The following SHISAL1 variants were observed in gnomAD, a reference collection of about 807,000 sequenced individuals.
SHISAL1 encodes the protein protein shisa-like-1.
Under a neutral mutation model 22.6 loss-of-function variants are expected in SHISAL1, and 9 were observed. That is an observed-to-expected ratio of 0.40 (90% CI 0.24 to 0.70). The LOEUF is 0.70. Among genes scored for constraint, SHISAL1 ranks in the 30% least tolerant of loss-of-function variants. SHISAL1 has a pLI of 0.39. For synonymous variants in SHISAL1, 119 were observed against 115.4 expected (o/e 1.03, Z -0.20); for missense variants, 246 against 270.6 (o/e 0.91, Z 0.64).
intron 2 of SHISAL1, among the ~76,000 whole-genome samples, chr22:44,298,824 C>G (rs114213205): frequency 0.011 from 1,676 of 152,296 alleles, 38 homozygotes; most frequent in African/African-American, 0.039. Context: ...CTGCCCATTA[C>G]CAGCACCCAG....
chr22:44,270,795 GGCT>G (rs1874732887), intron 4 of SHISAL1, among the ~76,000 whole-genome samples: 1 of 152,172 alleles, frequency 6.6e-6, no homozygotes, highest in South Asian at 2.1e-4. Context: ...CACCACTGAC[GGCT>G]GCTTCCACCT....
At chr22:44,295,898 C>G (rs1470507582) in intron 3 of SHISAL1, among the ~76,000 whole-genome samples, 1 of 152,216 alleles carries the variant, frequency 6.6e-6, no homozygotes, top group Non-Finnish European at 1.5e-5. Flanking sequence ...TCTCTTTCTC[C>G]ACACCTGTGG....
chr22:44,300,318 T>C (rs2055419368), intron 2 of SHISAL1, among the ~76,000 whole-genome samples: 1 of 152,126 alleles, frequency 6.6e-6, no homozygotes, highest in African/African-American at 2.4e-5. Context: ...AGGCCCTGGC[T>C]GGGGAGCAGG....
upstream of SHISAL1, among the ~76,000 whole-genome samples, chr22:44,316,870 A>C (rs2055561239): frequency 6.6e-6 from 1 of 152,146 alleles, no homozygotes; most frequent in African/African-American, 2.4e-5. Context: ...GGCGGGCAGG[A>C]GGGGGAGCTG....
intron 2 of SHISAL1, among the ~76,000 whole-genome samples, chr22:44,297,387 G>T (rs2055394515): frequency 6.6e-6 from 1 of 152,252 alleles, no homozygotes; most frequent in Non-Finnish European, 1.5e-5. Flanking sequence ...CTAGCTCTTT[G>T]TTCCCAGGTG....
chr22:44,266,044 C>A (rs1243816004), intron 4 of SHISAL1, among the ~76,000 whole-genome samples: 1 of 152,066 alleles, frequency 6.6e-6, no homozygotes, highest in African/African-American at 2.4e-5. Flanking sequence ...TGCTGGGAGG[C>A]AAGTGAGGGC....
At chr22:44,303,066 C>T (rs1014682196) in intron 1 of SHISAL1, among the ~76,000 whole-genome samples, 1 of 152,054 alleles carries the variant, frequency 6.6e-6, no homozygotes, top group African/African-American at 2.4e-5. Context: ...GAGGCTAGGA[C>T]AGGCCATCTA....
At chr22:44,257,846 T>TA (rs1206516815) in intron 4 of SHISAL1, among the ~76,000 whole-genome samples, 1 of 152,184 alleles carries the variant, frequency 6.6e-6, no homozygotes, top group Non-Finnish European at 1.5e-5. Context: ...TGCTTCTTTT[T>TA]AAAAAACTTT....
chr22:44,268,469 G>A (rs546216338), intron 4 of SHISAL1, among the ~76,000 whole-genome samples: 12 of 152,306 alleles, frequency 7.9e-5, no homozygotes, highest in African/African-American at 2.9e-4. Context: ...TTTACACAAG[G>A]GGAAAGTGAG....
At chr22:44,292,769 T>C (rs12160767) in intron 3 of SHISAL1, among the ~76,000 whole-genome samples, 9,296 of 152,300 alleles carry the variant, frequency 0.061, 720 homozygotes, top group East Asian at 0.19. Flanking sequence ...TCCCTGGGCT[T>C]GGGTCCTCTC....
chr22:44,293,985 T>A (rs542140727), intron 3 of SHISAL1, among the ~76,000 whole-genome samples: 1 of 152,330 alleles, frequency 6.6e-6, no homozygotes, highest in South Asian at 2.1e-4. Flanking sequence ...TAGAAACTTG[T>A]GGGCTTCAAA....
intron 4 of SHISAL1, among the ~76,000 whole-genome samples, chr22:44,283,548 A>T (rs1204853586): frequency 6.6e-6 from 1 of 152,228 alleles, no homozygotes; most frequent in Non-Finnish European, 1.5e-5. Context: ...CAGCAAGCAC[A>T]GTGACGTAGG....
At chr22:44,254,830 C>T (rs550361655) in intron 4 of SHISAL1, among the ~76,000 whole-genome samples, 2 of 152,052 alleles carry the variant, frequency 1.3e-5, no homozygotes, top group East Asian at 1.9e-4. Flanking sequence ...TGATTCTCTG[C>T]ACTTTTGCTC....
chr22:44,320,433 G>A, the SHISAL1 span, among the ~76,000 whole-genome samples: 26 of 152,210 alleles, frequency 1.7e-4, no homozygotes, highest in Admixed American at 2.6e-4. Context: ...GAGGAGGTGC[G>A]AGGCCCTGGC....
chr22:44,266,967 G>GCA (rs1569211568), intron 4 of SHISAL1, among the ~76,000 whole-genome samples: 2 of 152,152 alleles, frequency 1.3e-5, no homozygotes, highest in African/African-American at 2.4e-5. Flanking sequence ...TAAAAGGCAG[G>GCA]CAGTGGGGTG....
intron 1 of SHISAL1, among the ~76,000 whole-genome samples, chr22:44,301,751 A>G (rs976476759): frequency 1.3e-5 from 2 of 152,214 alleles, no homozygotes; most frequent in Non-Finnish European, 2.9e-5. Flanking sequence ...GATACATGCT[A>G]CAGCAGGGGG....
chr22:44,304,801 G>T (rs2055458825), intron 1 of SHISAL1, among the ~76,000 whole-genome samples: 1 of 152,178 alleles, frequency 6.6e-6, no homozygotes, highest in Non-Finnish European at 1.5e-5. Context: ...TACAGATGGG[G>T]AAGCTGAGGC....
In SHISAL1 at chr22:44,295,038, T is replaced by C. The variant is rs997136163; in HGVS notation, c.281+1634A>G. 4.6e-5 allele frequency among the ~76,000 whole-genome samples: 7 copies of C among 152,090 alleles called. No individual in the cohort carries two copies. The East Asian group carries it at 1.3e-3, about 29-fold the overall frequency. ...AATTCAACACAATCTCAGTAAAAAA[T>C]ACTAACTGGATTTTTTTGGGGGGAG... On this transcript the variant is annotated intron_variant, in intron 3 of 4. Transcript: ENST00000381176.
At chr22:44,317,745 T>C (rs970537907), upstream of SHISAL1, among the ~76,000 whole-genome samples, 7 of 152,164 alleles carry the variant, frequency 4.6e-5, no homozygotes, top group Admixed American at 2.6e-4. Flanking sequence ...AACCCAGAAC[T>C]GTGTCCGCTT....
Sources: gnomAD v4.1 joint callset for allele counts (sites outside exome capture counted in the v4.1 genomes callset) on GRCh38, gnomAD v4.1.1 for gene constraint, MANE v1.5 for transcripts, NCBI Gene and HGNC (gene_info 2026-07-23, HGNC 2026-07-21) for gene names.